FASN: variants seen among roughly 807,000 people sequenced by gnomAD.
FASN encodes the protein 3-hydroxyacyl-[acyl-carrier-protein] dehydratase.
A neutral mutation model predicts 250.0 loss-of-function variants in FASN; 50 were observed. The observed-to-expected ratio is 0.20, with a 90% CI of 0.16 to 0.25. The LOEUF (loss-of-function observed/expected upper bound fraction) is 0.25. Among genes scored for constraint, FASN ranks in the 10% least tolerant of loss-of-function variants. The probability of loss-of-function intolerance (pLI) is 1.00; values close to 1 mark genes in which losing one functional copy is unlikely to be tolerated. For synonymous variants in FASN, 1,909 were observed against 1,584.0 expected (o/e 1.21, Z -4.87); for missense variants, 3,031 against 3,498.5 (o/e 0.87, Z 3.37).
In FASN at chr17:82,085,721, C is replaced by T. The variant is rs747858547; in HGVS notation, c.3883G>A (p.Gly1295Ser). The change falls in exon 23 of 43, where the codon GGC (glycine) becomes AGC (serine). Residue 1295 changes from glycine to serine, a missense_variant. Gly to Ser is a moderately conservative substitution (Grantham distance 56). Transcript: ENST00000306749. ...AELQQHDVAQ[G>S]QWDPADPAPS... ...GCAGGGTCTGCGGGATCCCACTGGCCCTGGGCAACGTCGTGCTGCTGCAGC... is the reference window on the plus strand; with the variant it reads ...GCAGGGTCTGCGGGATCCCACTGGCTCTGGGCAACGTCGTGCTGCTGCAGC... The T allele has an allele frequency of 1.3e-6, 2 of 1,567,054 alleles. No individual in the cohort carries two copies. Among genetic ancestry groups the T allele is most frequent in the South Asian group, 2.3e-5 (2 of 85,558 alleles).
At chr17:82,094,114 G>A (rs2034264788) in intron 3 of FASN, 2 of 415,456 alleles carry the variant, frequency 4.8e-6, no homozygotes, top group East Asian at 5.3e-5. Context: ...CCCAGGCGAC[G>A]CCTTTGGCCC....
At chr17:82,089,868 G>GC in intron 11 of FASN, 142 bp from the exon 12 acceptor site, 1 of 767,768 alleles carries the variant, frequency 1.3e-6, no homozygotes, top group Middle Eastern at 2.5e-4. Context: ...AGAAAGGTTC[G>GC]CCCCCTGCTG....
chr17:82,080,283 C>A (rs1425895939), intron 40 of FASN, 45 bp from the exon 41 acceptor site: 3 of 1,611,756 alleles, frequency 1.9e-6, no homozygotes, highest in East Asian at 4.5e-5. Flanking sequence ...GGGGCGGGGC[C>A]TCCTAAGCGA....
chr17:82,079,680 T>G, intron 41 of FASN, 72 bp from the exon 42 acceptor site: 2 of 1,522,372 alleles, frequency 1.3e-6, no homozygotes, highest in Admixed American at 2.3e-5. Flanking sequence ...ACACTGCGGG[T>G]GGGCTTTTTT....
intron 3 of FASN, among the ~76,000 whole-genome samples, chr17:82,095,095 G>A (rs754696085): frequency 1.1e-4 from 17 of 152,206 alleles, no homozygotes; most frequent in Non-Finnish European, 1.9e-4. Flanking sequence ...AGACTGGTAC[G>A]CTCAGGTCAG....
At chr17:82,089,561 C>G (rs912160967) in intron 12 of FASN, 71 bp downstream of exon 12, 2 of 1,544,792 alleles carry the variant, frequency 1.3e-6, no homozygotes, top group Admixed American at 3.8e-5. Flanking sequence ...AGACCGTGGC[C>G]GCGTGTCCCT....
At position 82,084,219 on chromosome 17, in the gene FASN, C is replaced by T. The variant is rs775395767; in HGVS notation, c.4919+15G>A. The T allele has an allele frequency of 3.1e-6, 5 of 1,611,112 alleles. No individual in the cohort carries two copies. Among genetic ancestry groups the T allele is most frequent in the Middle Eastern group, 1.7e-4 (1 of 6,058 alleles). On this transcript the variant is annotated intron_variant, in intron 28 of 42. Transcript: ENST00000306749. ...ATCCACGTGGGGCCCAGGCTCACAC[C>T]CTCGACACACTCACCAGTTGGAAGG... is the stretch of plus-strand genomic sequence containing the variant.
In FASN at chr17:82,088,045, G is replaced by T; in HGVS notation, c.2786-11C>A. 1 of 1,612,740 alleles carries T rather than the reference G, an allele frequency of 6.2e-7. No homozygotes were observed. The highest frequency in any genetic ancestry group is 8.5e-7 in the Non-Finnish European group (1 of 1,179,948). ...CCAGGGACACTGTCCCTGCAGAGCG[G>T]GAGAGTTGGAGATCAGAGGGCAGCA... is the stretch of plus-strand genomic sequence containing the variant. On this transcript the variant is annotated splice_polypyrimidine_tract_variant and intron_variant, in intron 17 of 42. Transcript: ENST00000306749.
rs1455836166 is a variant in FASN, at chr17:82,081,849, G to C, written c.6164-6C>G. ...GCCCCACTGCACGGCCAGGCCTGTGGGGGAGGGGGCAGGTGGGCAGAGCTG... is the reference window on the plus strand; with the variant it reads ...GCCCCACTGCACGGCCAGGCCTGTGCGGGAGGGGGCAGGTGGGCAGAGCTG... On this transcript the variant is annotated splice_region_variant and splice_polypyrimidine_tract_variant and intron_variant, in intron 36 of 42. Transcript: ENST00000306749. 6.2e-7 allele frequency: 1 copy of C among 1,601,346 alleles called. No individual in the cohort carries two copies. The highest frequency in any genetic ancestry group is 1.1e-5 in the South Asian group (1 of 90,674).
Position 82,081,611 on chromosome 17 carries a change from T to C in FASN, c.6396A>G (p.Ala2132=), listed in dbSNP as rs1406045827. Residue 2132 remains alanine, a synonymous_variant, in exon 37 of 43, where the codon GCA becomes GCG. Coordinates refer to ENST00000306749, the MANE Select transcript of FASN (RefSeq NM_004104.5). Reference sequence around the variant, plus strand: ...ACTGGGAGTGCTCACCCAGGATGTGTGCCACGGCCTCCACCAGGTCCCGCT... The same window carrying C: ...ACTGGGAGTGCTCACCCAGGATGTGCGCCACGGCCTCCACCAGGTCCCGCT... ...DSQRDLVEAV[A]HILGIRDLAA... 1 of 1,612,516 alleles carries C rather than the reference T, an allele frequency of 6.2e-7. No individual in the cohort carries two copies.
Position 82,088,531 on chromosome 17 carries a change from G to A in FASN, c.2452C>T (p.Pro818Ser), listed in dbSNP as rs762145412. Residue 818 changes from proline (P) to serine (S), a missense_variant, in exon 16 of 43, where the codon CCT (proline) becomes TCT (serine). Pro to Ser is a moderately conservative substitution (Grantham distance 74). Coordinates refer to ENST00000306749, the MANE Select transcript of FASN (RefSeq NM_004104.5). ...CCTCGGGGAGCTGGGAACTCCACAGGTGGGAACAAGGCATTGGGGTTGGCG... is the reference window on the plus strand; with the variant it reads ...CCTCGGGGAGCTGGGAACTCCACAGATGGGAACAAGGCATTGGGGTTGGCG... ...IDANPNALFP[P>S]VEFPAPRGTP... is the part of the protein sequence containing the mutation. 4.9e-5 allele frequency: 78 copies of A among 1,607,798 alleles called. No homozygotes were observed. The Middle Eastern group carries it at 9.9e-4, about 20-fold the overall frequency.
rs2034143261 is a variant in FASN, at chr17:82,088,370, C to T, written c.2593+20G>A. ...CTGTGGGGAGGGAAGAGTCTGCCCA[C>T]CCGCCGGGCCCCTGCTCACCGATGT... On this transcript the variant is annotated intron_variant, in intron 16 of 42. Coordinates refer to ENST00000306749, the MANE Select transcript of FASN (RefSeq NM_004104.5). 2 of 1,611,662 alleles carry T rather than the reference C, an allele frequency of 1.2e-6. No individual in the cohort carries two copies. Among genetic ancestry groups the T allele is most frequent in the Non-Finnish European group, 1.7e-6 (2 of 1,179,744 alleles).
Position 82,088,704 on chromosome 17 carries a change from C to T in FASN, c.2420+57G>A. 3.2e-6 allele frequency: 5 copies of T among 1,548,986 alleles called. No individual in the cohort carries two copies. In the South Asian group the frequency reaches 4.5e-5, roughly 14 times the overall value. The stretch of plus-strand genomic sequence containing the variant: ...GTGAGGGGCCCGCAGCCCCGCTCAC[C>T]CACCCCACGCCGTCCCCGACTCCGG... On this transcript the variant is annotated intron_variant, in intron 15 of 42. Transcript: ENST00000306749.
chr17:82,086,952 G>T (rs1191133494), intron 21 of FASN, 98 bp downstream of exon 21: 2 of 1,421,894 alleles, frequency 1.4e-6, no homozygotes, highest in Middle Eastern at 2.4e-4. Flanking sequence ...TGACCCCAAA[G>T]GGGGCCCCGT....
chr17:82,093,572 T>C (rs764131644), intron 4 of FASN, 26 bp downstream of exon 4: 1 of 1,612,486 alleles, frequency 6.2e-7, no homozygotes, highest in South Asian at 1.1e-5. Flanking sequence ...GCCACCCACC[T>C]CCGCAGGAGG....
At position 82,087,246 on chromosome 17, in the gene FASN, G is replaced by A. The variant is rs904664759; in HGVS notation, c.3231C>T (p.Asp1077=). The A allele has an allele frequency of 2.5e-6, 4 of 1,606,346 alleles. No homozygotes were observed. The highest frequency in any genetic ancestry group is 3.4e-6 in the Non-Finnish European group (4 of 1,177,740). The change falls in exon 21 of 43, where the codon GAC becomes GAT. Residue 1077 remains aspartate, a synonymous_variant. Transcript: ENST00000306749. ...YTLQDKAQVA[D]VVVSRWLRVT... Reference sequence around the variant, plus strand: ...CCCTCAGCCACCTGCTCACCACCACGTCAGCCACTGTGGGGACAGGCTGGG... The same window carrying A: ...CCCTCAGCCACCTGCTCACCACCACATCAGCCACTGTGGGGACAGGCTGGG...
chr17:82,092,213 G>A (rs1003117876), intron 8 of FASN, among the ~76,000 whole-genome samples: 12 of 152,186 alleles, frequency 7.9e-5, no homozygotes, highest in African/African-American at 1.2e-4. Context: ...CTCCGTGTCC[G>A]GCAGACGCTC....
rs867637370 is a variant in FASN at position 82,089,323 on chromosome 17, C to A, written c.2027G>T (p.Arg676Leu). 7 of 1,612,698 alleles carry A rather than the reference C, an allele frequency of 4.3e-6. No homozygotes were observed. In the African/African-American group the frequency reaches 8.0e-5, roughly 18 times the overall value. ...GGAGTGGAAGGCCATACCGCCGGTC[C>A]GCACCTCCTTGGCAAACACACCCTC... Reference protein sequence around the residue: ...RKEGVFAKEVRTGGMAFHSYF... With the variant: ...RKEGVFAKEVLTGGMAFHSYF... The change falls in exon 13 of 43, where the codon CGG becomes CTG. Residue 676 changes from arginine to leucine, a missense_variant. Transcript: ENST00000306749.
chr17:82,080,326 C>T lies in FASN; in HGVS notation c.7047+44G>A, dbSNP rs372206206. The stretch of plus-strand genomic sequence containing the variant: ...CCAAAGCCAGGGCACAGGTGGGGAG[C>T]CCAGACGTTTGCCGTAGGCCTCTAG... On this transcript the variant is annotated intron_variant, in intron 40 of 42. Coordinates refer to ENST00000306749, the MANE Select transcript of FASN (RefSeq NM_004104.5). 1.9e-5 allele frequency: 30 copies of T among 1,609,420 alleles called. No individual in the cohort carries two copies. In the African/African-American group the frequency reaches 3.6e-4, roughly 19 times the overall value.
Sources: allele counts gnomAD v4.1 joint callset (sites outside exome capture counted in the v4.1 genomes callset), GRCh38; gene constraint gnomAD v4.1.1; transcripts MANE v1.5; gene names NCBI Gene and HGNC (gene_info 2026-07-23, HGNC 2026-07-21).